The following CIB1 variants were observed in gnomAD, a reference collection of about 807,000 sequenced individuals.
The protein encoded by CIB1 is calcium and integrin binding 1.
In CIB1, 19 loss-of-function variants were observed where a neutral mutation model predicts 25.0. That is an observed-to-expected ratio of 0.76 (90% CI 0.53 to 1.12). The LOEUF is 1.12. CIB1 is among the 50% of genes most tolerant of loss of function. The probability of loss-of-function intolerance (pLI) is 0.00; values close to 1 mark genes in which losing one functional copy is unlikely to be tolerated. For synonymous variants in CIB1, 104 were observed against 98.5 expected, an observed-to-expected ratio of 1.06 and a Z score of -0.33; for missense variants, 236 against 242.6, an observed-to-expected ratio of 0.97 and a Z score of 0.18.
the CIB1 span, chr15:90,257,004 G>T: frequency 1.2e-6 from 1 of 854,432 alleles, no homozygotes. Context: ...TTTATTAAGT[G>T]GGAGTAATAA....
At chr15:90,233,000 C>G (rs1005544939) in intron 2 of CIB1, among the ~76,000 whole-genome samples, 1 of 152,084 alleles carries the variant, frequency 6.6e-6, no homozygotes, top group Non-Finnish European at 1.5e-5. Flanking sequence ...GGATCTCTTA[C>G]CCTCAAAGCC....
chr15:90,234,245 CG>C (rs1468203173), upstream of CIB1: 5 of 229,692 alleles, frequency 2.2e-5, no homozygotes, highest in Non-Finnish European at 4.2e-5. Flanking sequence ...GCTGTGGCCC[CG>C]GCAGCGGCTG....
chr15:90,262,163 G>T, the CIB1 span: 125 of 1,535,164 alleles, frequency 8.1e-5, no homozygotes, highest in Non-Finnish European at 1.0e-4. Context: ...AGAGACTGCT[G>T]CTTCCAAGGC....
chr15:90,236,589 A>G (rs919213460), upstream of CIB1, among the ~76,000 whole-genome samples: 2 of 152,214 alleles, frequency 1.3e-5, no homozygotes, highest in East Asian at 3.9e-4. Flanking sequence ...GCTGGAGTAC[A>G]GTGGTATGAT....
At chr15:90,247,574 C>T in the CIB1 span, among the ~76,000 whole-genome samples, 7 of 151,562 alleles carry the variant, frequency 4.6e-5, no homozygotes, top group Non-Finnish European at 8.8e-5. Flanking sequence ...ACTACCATGG[C>T]TTCCAGTGTT....
the CIB1 span, among the ~76,000 whole-genome samples, chr15:90,256,978 G>T: frequency 6.6e-6 from 1 of 152,144 alleles, no homozygotes; most frequent in Non-Finnish European, 1.5e-5. Context: ...GAGCCACCAT[G>T]CCTGGCCTCT....
At chr15:90,241,306 A>G in the CIB1 span, 1 of 1,614,144 alleles carries the variant, frequency 6.2e-7, no homozygotes, top group East Asian at 2.2e-5. Context: ...CGGCCCGGAG[A>G]AGTCCTCTTC....
At chr15:90,256,548 T>TCTTTCTTG in the CIB1 span, among the ~76,000 whole-genome samples, 1 of 23,192 alleles carries the variant, frequency 4.3e-5, no homozygotes, top group Non-Finnish European at 7.6e-5. Flanking sequence ...CCTTCCTTTT[T>TCTTTCTTG]CTTTCTTTCT....
chr15:90,262,861 G>A, the CIB1 span: 1 of 1,312,884 alleles, frequency 7.6e-7, no homozygotes, highest in East Asian at 2.5e-5. Flanking sequence ...TCCTGGGTCA[G>A]GGAAGGGATG....
At chr15:90,240,403 G>A in the CIB1 span, among the ~76,000 whole-genome samples, 1 of 151,804 alleles carries the variant, frequency 6.6e-6, no homozygotes, top group Admixed American at 6.6e-5. Context: ...AGCTGCTTGG[G>A]AGGCTGAGGC....
upstream of CIB1, chr15:90,234,157 T>A: frequency 6.0e-6 from 1 of 167,066 alleles, no homozygotes; most frequent in Non-Finnish European, 1.0e-5. Flanking sequence ...CGGCCCCGCC[T>A]CCGGGGTGGG....
chr15:90,258,082 A>T, the CIB1 span: 1 of 1,614,162 alleles, frequency 6.2e-7, no homozygotes, highest in Non-Finnish European at 8.5e-7. Flanking sequence ...CACAGCTACA[A>T]CCCTGGAGAG....
At chr15:90,231,055 A>G (rs1355283247) in intron 5 of CIB1, 33 bp from the exon 6 acceptor site, 1 of 1,613,262 alleles carries the variant, frequency 6.2e-7, no homozygotes, top group African/African-American at 1.3e-5. Context: ...CCAGAGCCCC[A>G]ACTGCTCCCT....
upstream of CIB1, among the ~76,000 whole-genome samples, chr15:90,236,762 T>G (rs938831239): frequency 4.0e-5 from 6 of 151,860 alleles, no homozygotes; most frequent in Non-Finnish European, 4.4e-5. Context: ...GGTCTCGATC[T>G]CCTGATCTCT....
the CIB1 span, chr15:90,264,878 C>A: frequency 1.2e-5 from 18 of 1,536,130 alleles, 3 homozygotes; most frequent in South Asian, 2.1e-4. Context: ...AAACTCTGAA[C>A]ACAGAGCAGC....
At chr15:90,236,680 T>G (rs1962642003), upstream of CIB1, among the ~76,000 whole-genome samples, 1 of 150,150 alleles carries the variant, frequency 6.7e-6, no homozygotes, top group Non-Finnish European at 1.5e-5. Context: ...ATTACAGGAG[T>G]GCACCACCAC....
chr15:90,243,381 T>C, the CIB1 span: 5 of 97,086 alleles, frequency 5.2e-5, no homozygotes, highest in African/African-American at 2.4e-4. Flanking sequence ...TTTGTTTTGT[T>C]TTTTTGTAAG....
the CIB1 span, chr15:90,262,057 T>G: frequency 6.5e-7 from 1 of 1,535,964 alleles, no homozygotes; most frequent in South Asian, 1.2e-5. Flanking sequence ...AGGAACGATA[T>G]GAGGATTCTC....
chr15:90,259,018 T>C, the CIB1 span: 100 of 1,599,824 alleles, frequency 6.3e-5, no homozygotes, highest in African/African-American at 1.2e-3. Context: ...TGGGGCTGAT[T>C]TGCTATCAAA....
Sources: allele counts gnomAD v4.1 joint callset (sites outside exome capture counted in the v4.1 genomes callset), GRCh38; gene constraint gnomAD v4.1.1; transcripts MANE v1.5; gene names NCBI Gene and HGNC (gene_info 2026-07-23, HGNC 2026-07-21).